Variants in CACNB4 observed in about 807,000 individuals in gnomAD.
The protein encoded by CACNB4 is calcium voltage-gated channel auxiliary subunit beta 4, also known as voltage-dependent L-type calcium channel subunit beta-4.
A neutral mutation model predicts 71.2 loss-of-function variants in CACNB4; 32 were observed. The observed-to-expected ratio is 0.45, with a 90% confidence interval of 0.34 to 0.60. CACNB4 has a LOEUF of 0.60. CACNB4 is among the 20% of genes least tolerant of loss of function. The pLI is 0.01. For synonymous variants in CACNB4, 231 were observed against 236.9 expected (o/e 0.97, Z 0.23); for missense variants, 464 against 647.9 (o/e 0.72, Z 3.08).
intron 2 of CACNB4, among the ~76,000 whole-genome samples, chr2:151,986,387 A>G (rs1464256707): frequency 6.6e-6 from 1 of 152,206 alleles, no homozygotes; most frequent in Non-Finnish European, 1.5e-5. Flanking sequence ...CTCTGTCTGT[A>G]TTTTATGGGT....
chr2:151,884,336 A>T (rs1007613165), intron 2 of CACNB4, among the ~76,000 whole-genome samples: 37 of 148,598 alleles, frequency 2.5e-4, no homozygotes, highest in Middle Eastern at 3.5e-3. Flanking sequence ...TAAAAAAATT[A>T]AAAAAGGCCA....
rs1192954573 is a variant in CACNB4 at position 151,876,664 on chromosome 2, T to C, written c.391-108A>G. 5.9e-5 allele frequency: 29 copies of C among 495,466 alleles called. No individual in the cohort carries two copies. In the South Asian group the frequency reaches 8.7e-4, roughly 15 times the overall value. The allele number at this position is 495,466 out of a possible 1,614,324, so 30.7% of individuals were successfully genotyped here. A position where few individuals can be genotyped will look rare whatever the true frequency, so the allele number is the denominator to read the frequency against. ...AAAATGCTATTTATATGATATGATA[T>C]GCTATATTTTATATAAACTATATTT... On this transcript the variant is annotated intron_variant, in intron 4 of 13. Transcript: ENST00000539935.
intron 5 of CACNB4, among the ~76,000 whole-genome samples, chr2:151,875,200 C>T (rs1252536410): frequency 2.0e-5 from 3 of 148,036 alleles, no homozygotes; most frequent in South Asian, 2.2e-4. Context: ...TGACTCTTAA[C>T]GAGCATGCTG....
chr2:151,932,621 A>T (rs951780654), intron 2 of CACNB4, among the ~76,000 whole-genome samples: 1 of 152,030 alleles, frequency 6.6e-6, no homozygotes, highest in Non-Finnish European at 1.5e-5. Flanking sequence ...ATTGGTGTCT[A>T]TTAAAAGGGG....
chr2:151,841,554 T>A, intron 13 of CACNB4: 1 of 241,216 alleles, frequency 4.1e-6, no homozygotes, highest in Non-Finnish European at 8.1e-6. Context: ...TATCACTGCA[T>A]TCCAGCCTGA....
At chr2:151,908,044 C>T (rs1028250017) in intron 2 of CACNB4, among the ~76,000 whole-genome samples, 3 of 151,858 alleles carry the variant, frequency 2.0e-5, no homozygotes, top group Admixed American at 6.6e-5. Context: ...CTTGCTGCCA[C>T]GGATTAGAAA....
At position 152,094,280 on chromosome 2, in the gene CACNB4, C is replaced by G. The variant is rs1688145391; in HGVS notation, c.147+4050G>C. On this transcript the variant is annotated intron_variant, in intron 2 of 13. Coordinates refer to ENST00000539935, the MANE Select transcript of CACNB4 (RefSeq NM_000726.5). Reference sequence around the variant, plus strand: ...ACTAGGCAGAAGGAAGGACAACAACCTGCCACACAGAGGGCTCAGCATATG... The same window carrying G: ...ACTAGGCAGAAGGAAGGACAACAACGTGCCACACAGAGGGCTCAGCATATG... Among the ~76,000 whole-genome samples, 5 of 152,176 alleles carry G rather than the reference C, an allele frequency of 3.3e-5. No homozygotes were observed. In the South Asian group the frequency reaches 1.0e-3, roughly 32 times the overall value.
chr2:152,060,924 T>C (rs979718282), intron 2 of CACNB4, among the ~76,000 whole-genome samples: 3 of 152,264 alleles, frequency 2.0e-5, no homozygotes, highest in Non-Finnish European at 2.9e-5. Flanking sequence ...AATGTTAATA[T>C]ATAGCAGTTG....
At chr2:151,876,143 G>C (rs1308177181) in intron 5 of CACNB4, among the ~76,000 whole-genome samples, 2 of 152,078 alleles carry the variant, frequency 1.3e-5, no homozygotes, top group African/African-American at 2.4e-5. Flanking sequence ...TCACTGTGTG[G>C]AGAAAGAATG....
Position 151,841,903 on chromosome 2 carries a change from C to T in CACNB4, c.1302G>A (p.Gln434=), listed in dbSNP as rs1262669712. ...AGCATGAGTGAAAAAGTGACAATAC[C>T]TGTAACCCAGAAATTGCTGTGGGAT... ...SPYPTAISGL[Q]SQRMRHSNHS... is the part of the protein sequence containing the mutation. The change falls in exon 13 of 14, where the codon CAG becomes CAA. Residue 434 remains glutamine (Q), a splice_region_variant and synonymous_variant. Transcript: ENST00000539935. 1 of 1,613,198 alleles carries T rather than the reference C, an allele frequency of 6.2e-7. No individual in the cohort carries two copies. Among genetic ancestry groups the T allele is most frequent in the Non-Finnish European group, 8.5e-7 (1 of 1,179,610 alleles).
In CACNB4 at chr2:152,098,583, C is replaced by CCCCCCCCA; in HGVS notation, c.64-171_64-170insTGGGGGGG. 1 of 1,018,184 alleles carries CCCCCCCCA rather than the reference C, an allele frequency of 9.8e-7. No individual in the cohort carries two copies. Among genetic ancestry groups the CCCCCCCCA allele is most frequent in the Non-Finnish European group, 1.5e-6 (1 of 659,028 alleles). 63.1% of individuals were successfully genotyped at this position (1,018,184 alleles called of 1,614,324 possible). ...AATACAGCCCCCACCCCCACCCACC[C>CCCCCCCCA]ACTGCAAGCCTCGACTGCTGAAAAG... On this transcript the variant is annotated intron_variant, in intron 1 of 13. Transcript: ENST00000539935. This position sits in a 1 kb window ranked among gnomAD's most constrained non-coding sequence, Gnocchi z 5.3.
At chr2:151,895,061 T>G (rs887172520) in intron 2 of CACNB4, among the ~76,000 whole-genome samples, 3 of 142,998 alleles carry the variant, frequency 2.1e-5, no homozygotes, top group Non-Finnish European at 4.5e-5. Context: ...AGAAAAAAAA[T>G]CTAAAATTCA....
intron 2 of CACNB4, among the ~76,000 whole-genome samples, chr2:152,003,945 A>T (rs575032169): frequency 1.3e-5 from 2 of 151,958 alleles, no homozygotes; most frequent in Non-Finnish European, 2.9e-5. Context: ...TCTGGGGTCA[A>T]GCAATCCTCT....
At chr2:151,918,874 C>A (rs956745) in intron 2 of CACNB4, among the ~76,000 whole-genome samples, 1 of 152,116 alleles carries the variant, frequency 6.6e-6, no homozygotes, top group African/African-American at 2.4e-5. Flanking sequence ...CGACTTCATA[C>A]AGATTTTATA....
intron 2 of CACNB4, among the ~76,000 whole-genome samples, chr2:152,034,335 G>A (rs1295520413): frequency 6.6e-6 from 1 of 152,182 alleles, no homozygotes; most frequent in Admixed American, 6.5e-5. Context: ...GATGCAGGTG[G>A]CAGTACCTAG....
intron 2 of CACNB4, among the ~76,000 whole-genome samples, chr2:151,997,205 G>T (rs1490789881): frequency 6.6e-6 from 1 of 152,140 alleles, no homozygotes; most frequent in Non-Finnish European, 1.5e-5. Context: ...TGGATTACTT[G>T]AATGGGTCCT....
chr2:152,021,010 T>C (rs999779743), intron 2 of CACNB4, among the ~76,000 whole-genome samples: 1 of 152,168 alleles, frequency 6.6e-6, no homozygotes, highest in Non-Finnish European at 1.5e-5. Context: ...CCCAGCACTT[T>C]GGGAGGCTGA....
intron 11 of CACNB4, 73 bp downstream of exon 11, chr2:151,855,150 AC>A: frequency 9.4e-7 from 1 of 1,059,968 alleles, no homozygotes; most frequent in East Asian, 2.4e-5. Flanking sequence ...TTGTCCACTA[AC>A]AAAAAACCAC....
At chr2:152,069,158 T>C (rs144394287) in intron 2 of CACNB4, among the ~76,000 whole-genome samples, 1 of 152,314 alleles carries the variant, frequency 6.6e-6, no homozygotes, top group Non-Finnish European at 1.5e-5. Flanking sequence ...CCACATTTCA[T>C]GGGGCTTCAC....
Sources: allele counts gnomAD v4.1 joint callset (sites outside exome capture counted in the v4.1 genomes callset), GRCh38; gene constraint gnomAD v4.1.1; non-coding constraint Gnocchi (gnomAD v3.1); transcripts MANE v1.5; gene names NCBI Gene and HGNC (gene_info 2026-07-23, HGNC 2026-07-21).